ERN2: variants seen among roughly 807,000 people sequenced by gnomAD.
ERN2 encodes serine/threonine-protein kinase/endoribonuclease IRE2.
Under a neutral mutation model 107.9 loss-of-function variants are expected in ERN2, and 111 were observed. That is an observed-to-expected ratio of 1.03 (90% CI 0.88 to 1.20). ERN2 has a LOEUF of 1.20. Among genes scored for constraint, ERN2 ranks in the 50% most tolerant of loss-of-function variants. The pLI is 0.00. For missense variants in ERN2, 1,225 were observed against 1,197.9 expected (o/e 1.02, Z -0.33); for synonymous variants, 524 against 501.7 (o/e 1.04, Z -0.59).
At chr16:23,699,891 A>G (rs1959975574) in intron 13 of ERN2, among the ~76,000 whole-genome samples, 1 of 152,224 alleles carries the variant, frequency 6.6e-6, no homozygotes, top group African/African-American at 2.4e-5. Context: ...AATGATTGTG[A>G]CTTCTCATGA....
chr16:23,692,099 T>C lies in ERN2; in HGVS notation c.2249-9A>G, dbSNP rs777127529. ...CCGGGCAACCACCTTGTCTGGAGGA[T>C]GGAAGAGGAGGAGGAGAGTCTGCTT... On this transcript the variant is annotated splice_polypyrimidine_tract_variant and intron_variant, in intron 18 of 21. Coordinates refer to ENST00000256797, the MANE Select transcript of ERN2 (RefSeq NM_033266.4). 1 of 1,613,636 alleles carries C rather than the reference T, an allele frequency of 6.2e-7. No homozygotes were observed. The highest frequency in any genetic ancestry group is 8.5e-7 in the Non-Finnish European group (1 of 1,180,034).
chr16:23,713,118 G>A lies in ERN2; in HGVS notation c.70C>T (p.Leu24=). The stretch of plus-strand genomic sequence containing the variant: ...ACCTGTGGACTCAGCGTCCCGAGCA[G>A]CAGCGCCGCGAACTGGAGCTGGAGC... ...LGLQLQFAAL[L]LGTLSPQVHT... The change falls in exon 1 of 22, where the codon CTG becomes TTG. Residue 24 remains leucine (L), a synonymous_variant. Transcript: ENST00000256797. The A allele has an allele frequency of 6.3e-7, 1 of 1,576,064 alleles. No homozygotes were observed. The highest frequency in any genetic ancestry group is 1.2e-5 in the South Asian group (1 of 86,220).
intron 3 of ERN2, 54 bp from the exon 4 acceptor site, chr16:23,710,298 T>G: frequency 6.8e-7 from 1 of 1,465,428 alleles, no homozygotes; most frequent in African/African-American, 1.4e-5. Flanking sequence ...CCTGGTTTCA[T>G]GAAGGCCCCA....
intron 19 of ERN2, 47 bp downstream of exon 19, chr16:23,691,915 AC>A: frequency 6.3e-7 from 1 of 1,594,168 alleles, no homozygotes; most frequent in South Asian, 1.1e-5. Context: ...ATTGCCCAGG[AC>A]CCAAACTTAG....
intron 17 of ERN2, among the ~76,000 whole-genome samples, chr16:23,693,601 A>AAATAT (rs1555466492): frequency 9.5e-4 from 140 of 147,784 alleles, no homozygotes; most frequent in African/African-American, 3.4e-3. Flanking sequence ...AAAAAAAAAA[A>AAATAT]ATATATATAT....
Position 23,695,008 on chromosome 16 carries a change from A to C in ERN2, c.1900+11T>G. On this transcript the variant is annotated intron_variant, in intron 16 of 21. Coordinates refer to ENST00000256797, the MANE Select transcript of ERN2 (RefSeq NM_033266.4). The stretch of plus-strand genomic sequence containing the variant: ...AGGACAGGGAGCGGGAGGCAGGGGA[A>C]GTGCGGGTACCTATGTGTAAAGAGT... 1 of 1,613,054 alleles carries C rather than the reference A, an allele frequency of 6.2e-7. No homozygotes were observed. Among genetic ancestry groups the C allele is most frequent in the East Asian group, 2.2e-5 (1 of 44,854 alleles).
At position 23,705,039 on chromosome 16, in the gene ERN2, T is replaced by C; in HGVS notation, c.698A>G (p.Tyr233Cys). ...QDLGVPVMGVYTWHQDGLRQL... is the reference protein window; with the variant it reads ...QDLGVPVMGVCTWHQDGLRQL... The stretch of plus-strand genomic sequence containing the variant: ...GCGCAGGCCGTCCTGGTGCCAGGTG[T>C]AGACGCCCATCACAGGCACGCCCAG... Residue 233 changes from tyrosine (Y) to cysteine (C), a missense_variant, in exon 8 of 22, where the codon TAC (tyrosine) becomes TGC (cysteine). Tyr to Cys is a radical substitution (Grantham distance 194). Transcript: ENST00000256797. 6.2e-7 allele frequency: 1 copy of C among 1,613,864 alleles called. No individual in the cohort carries two copies. The highest frequency in any genetic ancestry group is 8.5e-7 in the Non-Finnish European group (1 of 1,179,994).
rs374029883 is a variant in ERN2, at chr16:23,695,259, C to T, written c.1741G>A (p.Glu581Lys). 4 of 1,614,006 alleles carry T rather than the reference C, an allele frequency of 2.5e-6. No homozygotes were observed. The highest frequency in any genetic ancestry group is 3.4e-6 in the Non-Finnish European group (4 of 1,180,032). Residue 581 changes from glutamate (E) to lysine (K), a missense_variant, in exon 15 of 22, where the codon GAG becomes AAG. By Grantham distance (56) the Glu-to-Lys change is moderately conservative. Transcript: ENST00000256797. ...HPNVLRYFCT[E>K]RGPQFHYIAL... ...ATGTAGTGGAACTGGGGTCCCCGCTCGGTGCAGAAGTAGCGGAGCACGTTG... is the reference window on the plus strand; with the variant it reads ...ATGTAGTGGAACTGGGGTCCCCGCTTGGTGCAGAAGTAGCGGAGCACGTTG...
intron 1 of ERN2, among the ~76,000 whole-genome samples, chr16:23,711,510 T>C (rs1434894160): frequency 6.6e-6 from 1 of 151,538 alleles, no homozygotes; most frequent in Non-Finnish European, 1.5e-5. Flanking sequence ...GTGTCTGTCA[T>C]CACACCTGGC....
At position 23,692,175 on chromosome 16, in the gene ERN2, C is replaced by G; in HGVS notation, c.2248+9G>C. On this transcript the variant is annotated intron_variant, in intron 18 of 21. Coordinates refer to ENST00000256797, the MANE Select transcript of ERN2 (RefSeq NM_033266.4). ...CCTCCCTTCTCTGCCCTGCCCAGGG[C>G]TCCCTCACCGTGGACCTCTTCCTCC... 1 of 1,614,086 alleles carries G rather than the reference C, an allele frequency of 6.2e-7. No individual in the cohort carries two copies. Among genetic ancestry groups the G allele is most frequent in the Non-Finnish European group, 8.5e-7 (1 of 1,180,028 alleles).
intron 15 of ERN2, 27 bp downstream of exon 15, chr16:23,695,173 C>T (rs764773011): frequency 6.2e-7 from 1 of 1,613,780 alleles, no homozygotes; most frequent in Non-Finnish European, 8.5e-7. Flanking sequence ...TTCCCACTCA[C>T]CCTCCCTGAA....
chr16:23,694,405 G>A (rs185072393), intron 17 of ERN2, among the ~76,000 whole-genome samples: 3 of 152,308 alleles, frequency 2.0e-5, no homozygotes, highest in African/African-American at 7.2e-5. Flanking sequence ...CATTTTGTTA[G>A]TTCTTTGTGT....
chr16:23,692,541 A>C (rs954996903), intron 17 of ERN2, among the ~76,000 whole-genome samples: 2 of 152,134 alleles, frequency 1.3e-5, no homozygotes, highest in African/African-American at 4.8e-5. Flanking sequence ...CTTTGCCCTT[A>C]CTGAGCTAGT....
chr16:23,704,963 G>C lies in ERN2; in HGVS notation c.774C>G (p.Leu258=), dbSNP rs940788561. The change falls in exon 8 of 22, where the codon CTC becomes CTG. Residue 258 remains leucine (L), a synonymous_variant. Coordinates refer to ENST00000256797, the MANE Select transcript of ERN2 (RefSeq NM_033266.4). ...CAGGCAGTCGGATGTGGCCCCAGCG[G>C]AGGGCGAGGAAATGCAGAGTGTCTC... ...LARDTLHFLA[L]RWGHIRLPAS... is the part of the protein sequence containing the mutation. The C allele has an allele frequency of 6.2e-7, 1 of 1,613,958 alleles. No individual in the cohort carries two copies. The highest frequency in any genetic ancestry group is 1.3e-5 in the African/African-American group (1 of 75,060).
At chr16:23,712,267 T>C (rs1403301359) in intron 1 of ERN2, 1 of 175,438 alleles carries the variant, frequency 5.7e-6, no homozygotes, top group Non-Finnish European at 1.3e-5. Flanking sequence ...AAATGAATTT[T>C]GTTTGACCAT....
At position 23,702,658 on chromosome 16, in the gene ERN2, G is replaced by C. The variant is rs1960135612; in HGVS notation, c.899C>G (p.Ser300Cys). 1 of 1,614,210 alleles carries C rather than the reference G, an allele frequency of 6.2e-7. No homozygotes were observed. Among genetic ancestry groups the C allele is most frequent in the Non-Finnish European group, 8.5e-7 (1 of 1,180,030 alleles). ...CACTCCTGTGTGGACCAGTGCTTTAGAGACATAGAAGCCAGTTTCATCCTT... is the reference window on the plus strand; with the variant it reads ...CACTCCTGTGTGGACCAGTGCTTTACAGACATAGAAGCCAGTTTCATCCTT... ...VGKDETGFYV[S>C]KALVHTGVAL... The change falls in exon 9 of 22, where the codon TCT (serine) becomes TGT (cysteine). Residue 300 changes from serine (S) to cysteine (C), a missense_variant. By Grantham distance (112) the Ser-to-Cys change is moderately radical. Transcript: ENST00000256797.
intron 1 of ERN2, 70 bp downstream of exon 1, chr16:23,713,025 C>A: frequency 8.0e-7 from 1 of 1,250,668 alleles, no homozygotes; most frequent in Admixed American, 3.0e-5. Context: ...GCCCTCGCCC[C>A]AAGTGCGACG....
At chr16:23,711,146 T>C (rs1355875533) in intron 1 of ERN2, 128 bp from the exon 2 acceptor site, 3 of 631,034 alleles carry the variant, frequency 4.8e-6, no homozygotes, top group East Asian at 5.4e-5. Flanking sequence ...GGAAGGGTGA[T>C]TGGGGAACGT....
chr16:23,705,080 C>T lies in ERN2; in HGVS notation c.657G>A (p.Val219=). ...LLTVDPGSGT[V]LWTQDLGVPV... is the part of the protein sequence containing the mutation. The stretch of plus-strand genomic sequence containing the variant: ...GCACGCCCAGGTCCTGTGTCCACAG[C>T]ACCGTCCCGCTTCCTGGGTCCACAG... The change falls in exon 8 of 22, where the codon GTG becomes GTA. Residue 219 remains valine (V), a synonymous_variant. Transcript: ENST00000256797. The T allele has an allele frequency of 6.2e-7, 1 of 1,613,940 alleles. No homozygotes were observed. The highest frequency in any genetic ancestry group is 8.5e-7 in the Non-Finnish European group (1 of 1,179,914).
Sources: allele counts gnomAD v4.1 joint callset (sites outside exome capture counted in the v4.1 genomes callset), GRCh38; gene constraint gnomAD v4.1.1; transcripts MANE v1.5; gene names NCBI Gene and HGNC (gene_info 2026-07-23, HGNC 2026-07-21).